HEPHL1: variants seen among roughly 807,000 people sequenced by gnomAD.
The protein encoded by HEPHL1 is ferroxidase HEPHL1.
Under a neutral mutation model 122.0 loss-of-function variants are expected in HEPHL1, and 123 were observed. That is an observed-to-expected ratio of 1.01 (90% CI 0.87 to 1.17). The LOEUF is 1.17. Among genes scored for constraint, HEPHL1 ranks in the 50% most tolerant of loss-of-function variants. HEPHL1 has a pLI of 0.00. For missense variants in HEPHL1, 1,452 were observed against 1,430.5 expected, an observed-to-expected ratio of 1.01 and a Z score of -0.24; for synonymous variants, 527 against 508.9, an observed-to-expected ratio of 1.04 and a Z score of -0.48.
At chr11:94,049,481 C>T (rs1945870932) in intron 2 of HEPHL1, among the ~76,000 whole-genome samples, 1 of 152,038 alleles carries the variant, frequency 6.6e-6, no homozygotes, top group Non-Finnish European at 1.5e-5. Context: ...TATGACCCAG[C>T]AGTCCCACTA....
At chr11:94,043,547 A>G (rs918370147) in intron 1 of HEPHL1, among the ~76,000 whole-genome samples, 2 of 152,056 alleles carry the variant, frequency 1.3e-5, no homozygotes, top group Non-Finnish European at 2.9e-5. Context: ...CACTTGCTCC[A>G]TTAGTGGGGC....
intron 2 of HEPHL1, among the ~76,000 whole-genome samples, chr11:94,050,147 T>C (rs901069913): frequency 2.0e-5 from 3 of 152,170 alleles, no homozygotes; most frequent in Non-Finnish European, 2.9e-5. Context: ...TTGGATTGTT[T>C]GGTGCTAGTG....
Position 94,021,427 on chromosome 11 carries a change from G to A in HEPHL1, c.59G>A (p.Gly20Glu). The change falls in exon 1 of 20, where the codon GGG (glycine) becomes GAG (glutamate). Residue 20 changes from glycine (G) to glutamate (E), a missense_variant. Transcript: ENST00000315765. ...CTCCTCACATTCCTGGGTCTGTCTG[G>A]GCTGGTTGGCACAGTTACCAGAACG... Reference protein sequence around the residue: ...IFLLTFLGLSGLVGTVTRTYY... With the variant: ...IFLLTFLGLSELVGTVTRTYY... The A allele has an allele frequency of 1.2e-6, 2 of 1,613,622 alleles. No homozygotes were observed. The highest frequency in any genetic ancestry group is 1.1e-5 in the South Asian group (1 of 91,052).
chr11:94,031,274 T>G (rs2134404802), intron 1 of HEPHL1, among the ~76,000 whole-genome samples: 1 of 151,794 alleles, frequency 6.6e-6, no homozygotes, highest in South Asian at 2.1e-4. Flanking sequence ...AGGCTACACT[T>G]TGTTTCCCTG....
intron 16 of HEPHL1, 46 bp from the exon 17 acceptor site, chr11:94,105,945 T>G: frequency 1.5e-6 from 2 of 1,353,726 alleles, no homozygotes; most frequent in Non-Finnish European, 2.0e-6. Context: ...AAAAATCAGC[T>G]TATCTTTTAA....
intron 9 of HEPHL1, among the ~76,000 whole-genome samples, chr11:94,076,577 A>G (rs995047553): frequency 6.6e-6 from 1 of 151,722 alleles, no homozygotes; most frequent in African/African-American, 2.4e-5. Context: ...GCCAAATACT[A>G]TTCATGGTCA....
intron 2 of HEPHL1, among the ~76,000 whole-genome samples, chr11:94,061,750 T>A (rs1052145364): frequency 2.0e-5 from 3 of 152,192 alleles, no homozygotes; most frequent in African/African-American, 7.2e-5. Context: ...AGAAATTGTT[T>A]TAAAAAGAAT....
intron 6 of HEPHL1, among the ~76,000 whole-genome samples, chr11:94,072,053 A>T (rs1264660984): frequency 6.6e-6 from 1 of 152,138 alleles, no homozygotes; most frequent in African/African-American, 2.4e-5. Flanking sequence ...AAGATTTTGG[A>T]GCAGGTAAAT....
intron 4 of HEPHL1, among the ~76,000 whole-genome samples, chr11:94,065,638 G>GGAGGCAGA (rs1946027175): frequency 6.6e-6 from 1 of 152,142 alleles, no homozygotes; most frequent in African/African-American, 2.4e-5. Context: ...GGGAAGGCAG[G>GGAGGCAGA]GAGGCAGAGA....
chr11:94,083,137 A>G (rs950297233), intron 10 of HEPHL1, among the ~76,000 whole-genome samples: 3 of 152,142 alleles, frequency 2.0e-5, no homozygotes, highest in African/African-American at 7.2e-5. Context: ...TCATAAATGT[A>G]GAAAATTACT....
intron 15 of HEPHL1, among the ~76,000 whole-genome samples, chr11:94,103,935 C>T (rs185401817): frequency 2.0e-5 from 3 of 152,142 alleles, no homozygotes; most frequent in Admixed American, 1.3e-4. Context: ...TTGTGATGTG[C>T]AAATGACCCC....
In HEPHL1 at chr11:94,073,421, G is replaced by A. The variant is rs1363609973; in HGVS notation, c.1486G>A (p.Ala496Thr). 3.9e-6 allele frequency: 6 copies of A among 1,555,224 alleles called. No homozygotes were observed. Among genetic ancestry groups the A allele is most frequent in the Admixed American group, 3.9e-5 (2 of 51,148 alleles). ...HGVIYDKASD[A>T]APNLDGFVKP... ...TGTGATCTATGACAAGGCATCTGAT[G>A]CAGCCCCAAACCTAGATGGTAAGTC... Residue 496 changes from alanine to threonine, a missense_variant, in exon 8 of 20, where the codon GCA becomes ACA. Ala to Thr is a moderately conservative substitution (Grantham distance 58). Coordinates refer to ENST00000315765, the MANE Select transcript of HEPHL1 (RefSeq NM_001098672.2).
chr11:94,079,733 C>T (rs1017065745), intron 9 of HEPHL1, among the ~76,000 whole-genome samples: 2 of 152,096 alleles, frequency 1.3e-5, no homozygotes, highest in Admixed American at 6.5e-5. Flanking sequence ...AGAGATGAGG[C>T]TGAACAGGTA....
intron 9 of HEPHL1, among the ~76,000 whole-genome samples, chr11:94,080,845 A>C (rs1458966083): frequency 1.3e-5 from 2 of 152,226 alleles, no homozygotes; most frequent in Non-Finnish European, 2.9e-5. Context: ...TGTTGGTGGG[A>C]ATGTAAATTA....
In HEPHL1 at chr11:94,030,198, C is replaced by T. The variant is rs367694987; in HGVS notation, c.170+8660C>T. Among the ~76,000 whole-genome samples, 5 of 152,260 alleles carry T rather than the reference C, an allele frequency of 3.3e-5. No homozygotes were observed. In the East Asian group the frequency reaches 9.6e-4, roughly 29 times the overall value. ...CATACCAGGGATTCTGAATCTAATC[C>T]TTGCTGTGCCACCTTACTGGGTGAC... On this transcript the variant is annotated intron_variant, in intron 1 of 19. Coordinates refer to ENST00000315765, the MANE Select transcript of HEPHL1 (RefSeq NM_001098672.2).
rs1038630216 is a variant in HEPHL1 at position 94,108,037 on chromosome 11, C to T, written c.3045+1907C>T. 2.6e-5 allele frequency among the ~76,000 whole-genome samples: 4 copies of T among 152,150 alleles called. No individual in the cohort carries two copies. The East Asian group carries it at 7.7e-4, about 29-fold the overall frequency. On this transcript the variant is annotated intron_variant, in intron 17 of 19. Coordinates refer to ENST00000315765, the MANE Select transcript of HEPHL1 (RefSeq NM_001098672.2). ...ACGAGAACTCCATATGTTGCACATC[C>T]ACATATGCAGTTGGTATTTTTAGTT...
At chr11:94,059,117 A>G (rs568309551) in intron 2 of HEPHL1, among the ~76,000 whole-genome samples, 2 of 152,302 alleles carry the variant, frequency 1.3e-5, no homozygotes, top group African/African-American at 4.8e-5. Flanking sequence ...TACATATATT[A>G]GCATGTATGT....
chr11:94,036,188 T>C (rs1269768622), intron 1 of HEPHL1, among the ~76,000 whole-genome samples: 1 of 152,118 alleles, frequency 6.6e-6, no homozygotes. Context: ...GTCCAGGAAA[T>C]ATGTCCACCT....
intron 1 of HEPHL1, among the ~76,000 whole-genome samples, chr11:94,028,877 T>C (rs1017311346): frequency 6.6e-5 from 10 of 152,230 alleles, no homozygotes; most frequent in Non-Finnish European, 1.5e-4. Flanking sequence ...GAGTTTCTGT[T>C]CTACTATTAC....
Sources: gnomAD v4.1 joint callset for allele counts (sites outside exome capture counted in the v4.1 genomes callset) on GRCh38, gnomAD v4.1.1 for gene constraint, MANE v1.5 for transcripts, NCBI Gene and HGNC (gene_info 2026-07-23, HGNC 2026-07-21) for gene names.